ITSN1: variants seen among roughly 807,000 people sequenced by gnomAD.
The protein encoded by ITSN1 is intersectin-1.
ITSN1 carries 58 observed loss-of-function variants against 239.8 expected under a neutral mutation model. The observed-to-expected ratio is 0.24, with a 90% CI of 0.20 to 0.30. ITSN1 has a LOEUF of 0.30. Among genes scored for constraint, ITSN1 ranks in the 10% least tolerant of loss-of-function variants. The pLI is 1.00. For synonymous variants in ITSN1, 780 were observed against 770.8 expected (o/e 1.01, Z -0.20); for missense variants, 1,558 against 2,103.3 (o/e 0.74, Z 5.07).
At chr21:33,802,742 G>A (rs1439996776) in intron 20 of ITSN1, among the ~76,000 whole-genome samples, 3 of 152,152 alleles carry the variant, frequency 2.0e-5, no homozygotes, top group Non-Finnish European at 2.9e-5. Flanking sequence ...GGAGTTCCAA[G>A]TAGATTAAAC....
intron 31 of ITSN1, among the ~76,000 whole-genome samples, chr21:33,862,832 T>C (rs1237712056): frequency 6.6e-6 from 1 of 151,124 alleles, no homozygotes; most frequent in Non-Finnish European, 1.5e-5. Context: ...TAATAATATA[T>C]GTAAAACTCT....
chr21:33,696,697 G>A (rs2091809596), intron 1 of ITSN1, among the ~76,000 whole-genome samples: 1 of 152,142 alleles, frequency 6.6e-6, no homozygotes, highest in African/African-American at 2.4e-5. Context: ...AAATCTGGCA[G>A]GAGGCTTCCC....
intron 29 of ITSN1, chr21:33,838,362 GT>G: frequency 1.0e-6 from 1 of 985,270 alleles, no homozygotes; most frequent in Non-Finnish European, 1.2e-6. Flanking sequence ...TCTCCTCCTC[GT>G]TCAGTTGCAC....
At chr21:33,846,125 C>T (rs925115578) in intron 29 of ITSN1, among the ~76,000 whole-genome samples, 4 of 152,084 alleles carry the variant, frequency 2.6e-5, no homozygotes, top group Non-Finnish European at 4.4e-5. Flanking sequence ...CTCTGCTGTC[C>T]AGTCTCACCC....
In ITSN1 at chr21:33,799,672, A is replaced by G. The variant is rs144517790; in HGVS notation, c.2183-136A>G. On this transcript the variant is annotated intron_variant, in intron 18 of 39. Transcript: ENST00000381318. ...TTGGCATTCAGTATGTGTTTCAGAAATTCCTTGAATGGAGGGAAATAGTTC... is the reference window on the plus strand; with the variant it reads ...TTGGCATTCAGTATGTGTTTCAGAAGTTCCTTGAATGGAGGGAAATAGTTC... 3.6e-4 allele frequency: 347 copies of G among 952,386 alleles called. 1 individual carries two copies. In the African/African-American group the frequency reaches 4.8e-3, roughly 13 times the overall value. The allele number at this position is 952,386 out of a possible 1,614,324, so 59.0% of individuals were successfully genotyped here.
chr21:33,701,656 G>A (rs1298911843), intron 1 of ITSN1, among the ~76,000 whole-genome samples: 3 of 151,830 alleles, frequency 2.0e-5, no homozygotes, highest in Non-Finnish European at 4.4e-5. Context: ...TTAGCCAAGT[G>A]TGGTGGCACG....
chr21:33,752,586 G>A (rs2067630240), intron 7 of ITSN1, among the ~76,000 whole-genome samples: 1 of 152,112 alleles, frequency 6.6e-6, no homozygotes, highest in East Asian at 1.9e-4. Context: ...TCTCTTTTAA[G>A]CCATCTCAGA....
At chr21:33,685,067 A>G (rs1156501900) in intron 1 of ITSN1, among the ~76,000 whole-genome samples, 1 of 151,954 alleles carries the variant, frequency 6.6e-6, no homozygotes, top group East Asian at 1.9e-4. Context: ...GCCACCCTCC[A>G]CTCCAGATTA....
intron 1 of ITSN1, among the ~76,000 whole-genome samples, chr21:33,694,298 G>A (rs1215726763): frequency 6.6e-6 from 1 of 152,110 alleles, no homozygotes; most frequent in African/African-American, 2.4e-5. Flanking sequence ...CAAAGTGCTG[G>A]GATTACAGAT....
chr21:33,829,060 A>G, intron 26 of ITSN1: 1 of 464,592 alleles, frequency 2.2e-6, no homozygotes, highest in Non-Finnish European at 4.4e-6. Flanking sequence ...TGTGAGCCAT[A>G]AAGAAGAAGG....
intron 1 of ITSN1, among the ~76,000 whole-genome samples, chr21:33,716,746 G>T (rs776982281): frequency 6.6e-6 from 1 of 150,780 alleles, no homozygotes; most frequent in Non-Finnish European, 1.5e-5. Flanking sequence ...AAGGTCAGGA[G>T]TTCGAGACCA....
chr21:33,876,102 C>CTCTTTCTTTCTTTCCTTCT (rs1441712849), intron 34 of ITSN1, among the ~76,000 whole-genome samples: 13 of 110,078 alleles, frequency 1.2e-4, no homozygotes, highest in East Asian at 3.1e-4. Context: ...TCTTTCTTTC[C>CTCTTTCTTTCTTTCCTTCT]TTCTTTCTTT....
chr21:33,672,216 T>TAA lies in ITSN1; in HGVS notation c.-33+29515_-33+29516dup, dbSNP rs565617618. On this transcript the variant is annotated intron_variant, in intron 1 of 39. Coordinates refer to ENST00000381318, the MANE Select transcript of ITSN1 (RefSeq NM_003024.3). ...TGGGCAACAAGAGCGAAACTCTGTC[T>TAA]AAAAAAAAAAAAAGAATTGATGTCT... is the stretch of plus-strand genomic sequence containing the variant. Among the ~76,000 whole-genome samples the TAA allele has an allele frequency of 3.5e-5, 5 of 142,502 alleles. No individual in the cohort carries two copies. In the East Asian group the frequency reaches 6.0e-4, roughly 17 times the overall value. The allele number at this position is 142,502 out of a possible 152,430, so 93.5% of individuals were successfully genotyped here. A position where few individuals can be genotyped will look rare whatever the true frequency, so the allele number is the denominator to read the frequency against.
rs1196858353 is a variant in ITSN1, at chr21:33,876,151, T to C, written c.4341+630T>C. Reference sequence around the variant, plus strand: ...TTTCTTTCTTTCTTTCTTTCTTTCTTTCTCTCTCTCCCTCTTTCTTTCTTT... The same window carrying C: ...TTTCTTTCTTTCTTTCTTTCTTTCTCTCTCTCTCTCCCTCTTTCTTTCTTT... On this transcript the variant is annotated intron_variant, in intron 34 of 39. Coordinates refer to ENST00000381318, the MANE Select transcript of ITSN1 (RefSeq NM_003024.3). Among the ~76,000 whole-genome samples, 152 of 42,870 alleles carry C rather than the reference T, an allele frequency of 3.5e-3. 1 individual carries two copies. Among genetic ancestry groups the C allele is most frequent in the African/African-American group, 0.021 (138 of 6,496 alleles). 28.1% of individuals were successfully genotyped at this position (42,870 alleles called of 152,430 possible).
At chr21:33,667,973 A>G (rs537629592) in intron 1 of ITSN1, among the ~76,000 whole-genome samples, 1 of 152,266 alleles carries the variant, frequency 6.6e-6, no homozygotes, top group African/African-American at 2.4e-5. Context: ...GAGCAAGGAT[A>G]GGAGGATGGG....
At chr21:33,668,673 T>G (rs1483709449) in intron 1 of ITSN1, among the ~76,000 whole-genome samples, 1 of 152,146 alleles carries the variant, frequency 6.6e-6, no homozygotes, top group Non-Finnish European at 1.5e-5. Flanking sequence ...GTACTTTGAG[T>G]TAAAGGCTCT....
At chr21:33,689,788 T>A (rs1480711288) in intron 1 of ITSN1, among the ~76,000 whole-genome samples, 2 of 151,706 alleles carry the variant, frequency 1.3e-5, no homozygotes, top group Non-Finnish European at 2.9e-5. Flanking sequence ...GCCAACATAG[T>A]GAAACCCTGT....
Position 33,828,093 on chromosome 21 carries a change from T to C in ITSN1, c.3229+1230T>C, listed in dbSNP as rs187054117. Among the ~76,000 whole-genome samples, 172 of 152,376 alleles carry C rather than the reference T, an allele frequency of 1.1e-3. 2 individuals are homozygous for C. Among genetic ancestry groups the C allele is most frequent in the Non-Finnish European group, 6.3e-4 (43 of 68,036 alleles). ...CACTTGTCATTCCAGAGGGTCCAGA[T>C]ATTTCATAGATGAAGCCCAGGTGGG... On this transcript the variant is annotated intron_variant, in intron 26 of 39. Coordinates refer to ENST00000381318, the MANE Select transcript of ITSN1 (RefSeq NM_003024.3).
chr21:33,713,769 A>T (rs1020448219), intron 1 of ITSN1, among the ~76,000 whole-genome samples: 1 of 142,730 alleles, frequency 7.0e-6, no homozygotes, highest in Non-Finnish European at 1.5e-5. Flanking sequence ...CCTCGCTGTG[A>T]TTGGCATTGG....
Sources: gnomAD v4.1 joint callset for allele counts (sites outside exome capture counted in the v4.1 genomes callset) on GRCh38, gnomAD v4.1.1 for gene constraint, MANE v1.5 for transcripts, NCBI Gene and HGNC (gene_info 2026-07-23, HGNC 2026-07-21) for gene names.